The following CYP4Z1 variants were observed in gnomAD, a reference collection of about 807,000 sequenced individuals.
CYP4Z1 encodes the protein cytochrome P450 family 4 subfamily Z member 1, also known as cytochrome P450 4Z1.
CYP4Z1 carries 41 observed loss-of-function variants against 54.2 expected under a neutral mutation model. The ratio of observed to expected loss-of-function variants is 0.76; its 90% CI spans 0.59 to 0.98. The LOEUF is 0.98. CYP4Z1 is among the 50% of genes least tolerant of loss of function. The probability of loss-of-function intolerance (pLI) is 0.00; values close to 1 mark genes in which losing one functional copy is unlikely to be tolerated. For missense variants in CYP4Z1, 513 were observed against 599.0 expected (o/e 0.86, Z 1.50); for synonymous variants, 163 against 206.2 (o/e 0.79, Z 1.79).
chr1:47,103,981 GA>G (rs1644739068), intron 8 of CYP4Z1, among the ~76,000 whole-genome samples: 1 of 152,080 alleles, frequency 6.6e-6, no homozygotes, highest in South Asian at 2.1e-4. Context: ...TATGTTGCTG[GA>G]AAATTATTGT....
At chr1:47,103,576 T>TA (rs900830123) in intron 8 of CYP4Z1, among the ~76,000 whole-genome samples, 1 of 141,622 alleles carries the variant, frequency 7.1e-6, no homozygotes, top group Non-Finnish European at 1.5e-5. Context: ...CACCTTCTTC[T>TA]TTTTTTTTTC....
At chr1:47,093,937 T>C (rs1250939055) in intron 6 of CYP4Z1, among the ~76,000 whole-genome samples, 2 of 152,232 alleles carry the variant, frequency 1.3e-5, no homozygotes, top group African/African-American at 2.4e-5. Flanking sequence ...TTTCCAGGCA[T>C]AGAACTTTGT....
intron 7 of CYP4Z1, 28 bp from the exon 8 acceptor site, chr1:47,099,066 G>A (rs2148536481): frequency 6.2e-7 from 1 of 1,612,320 alleles, no homozygotes; most frequent in East Asian, 2.2e-5. Context: ...AGCCAGCTTT[G>A]GATAAAGATC....
intron 9 of CYP4Z1, among the ~76,000 whole-genome samples, chr1:47,108,280 A>G (rs995259534): frequency 1.3e-5 from 2 of 152,094 alleles, no homozygotes; most frequent in African/African-American, 4.8e-5. Flanking sequence ...GCCTGGATTC[A>G]TCACTCCAAC....
chr1:47,068,738 T>G lies in CYP4Z1; in HGVS notation c.294T>G (p.Tyr98Ter). ...TMFFSVHDPD[Y>*]AKILLKRQDP... ...TCTTCAGTGTCCATGACCCAGACTA[T>G]GCCAAGATTCTCCTGAAAAGACAAG... Residue 98 changes from tyrosine (Y) to a stop codon, truncating the protein, a stop_gained, in exon 2 of 12, where the codon TAT becomes TAG. Transcript: ENST00000334194. LOFTEE classifies it high-confidence loss of function. 1 of 1,614,118 alleles carries G rather than the reference T, an allele frequency of 6.2e-7. No individual in the cohort carries two copies. Among genetic ancestry groups the G allele is most frequent in the Non-Finnish European group, 8.5e-7 (1 of 1,179,992 alleles).
At chr1:47,108,170 G>A (rs1273463430) in intron 9 of CYP4Z1, among the ~76,000 whole-genome samples, 3 of 152,074 alleles carry the variant, frequency 2.0e-5, no homozygotes, top group East Asian at 1.9e-4. Flanking sequence ...TGCACCTCAC[G>A]TGCTCATCTG....
intron 11 of CYP4Z1, 150 bp downstream of exon 11, chr1:47,116,882 G>GT (rs1644834220): frequency 1.7e-6 from 1 of 573,958 alleles, no homozygotes; most frequent in Admixed American, 3.0e-5. Flanking sequence ...AGTGCATTTA[G>GT]TTGGTACCCT....
At chr1:47,115,144 T>C (rs771689560) in intron 9 of CYP4Z1, among the ~76,000 whole-genome samples, 1 of 152,110 alleles carries the variant, frequency 6.6e-6, no homozygotes. Flanking sequence ...ATGTCCTTTG[T>C]AGGGACACGG....
the CYP4Z1 span, among the ~76,000 whole-genome samples, chr1:47,059,974 C>T: frequency 6.6e-6 from 1 of 152,108 alleles, no homozygotes; most frequent in Non-Finnish European, 1.5e-5. Context: ...ACTCTTTTCT[C>T]CTTGAAAATT....
rs1340218960 is a variant in CYP4Z1, at chr1:47,118,101, T to C, written c.*167T>C. ...CCATTAACAGTAATTTTAATTTCTT[T>C]GCTGTATCTGGTGAAACCCACAAAA... On this transcript the variant is annotated 3_prime_UTR_variant, in exon 12 of 12. Coordinates refer to ENST00000334194, the MANE Select transcript of CYP4Z1 (RefSeq NM_178134.3). 2 of 725,954 alleles carry C rather than the reference T, an allele frequency of 2.8e-6. No individual in the cohort carries two copies. The highest frequency in any genetic ancestry group is 4.1e-6 in the Non-Finnish European group (2 of 490,358). The allele number at this position is 725,954 out of a possible 1,614,324, so 45.0% of individuals were successfully genotyped here.
In CYP4Z1 at chr1:47,077,625, A is replaced by AT. The variant is rs879925723; in HGVS notation, c.320-2986dup. 5.7e-3 allele frequency among the ~76,000 whole-genome samples: 824 copies of AT among 144,742 alleles called. 14 individuals are homozygous for AT. Among genetic ancestry groups the AT allele is most frequent in the Admixed American group, 0.037 (533 of 14,462 alleles). 95.0% of individuals were successfully genotyped at this position (144,742 alleles called of 152,430 possible). On this transcript the variant is annotated intron_variant, in intron 2 of 11. Coordinates refer to ENST00000334194, the MANE Select transcript of CYP4Z1 (RefSeq NM_178134.3). ...TCACTGTTTGTTTTTTATATGTCTT[A>AT]TTTTTTTTTTTTAGAGACAGGGTCT...
the CYP4Z1 span, among the ~76,000 whole-genome samples, chr1:47,055,814 T>G: frequency 6.6e-6 from 1 of 152,204 alleles, no homozygotes; most frequent in African/African-American, 2.4e-5. Context: ...CTCTCTTTTC[T>G]TCTTTATTAG....
At chr1:47,104,361 C>T (rs76501670) in intron 8 of CYP4Z1, among the ~76,000 whole-genome samples, 5,199 of 152,236 alleles carry the variant, frequency 0.034, 126 homozygotes, top group Middle Eastern at 0.085. Context: ...TGAGCATGCC[C>T]GTTCTTGGGC....
chr1:47,098,144 A>T (rs1307965550), intron 7 of CYP4Z1, among the ~76,000 whole-genome samples: 1 of 152,102 alleles, frequency 6.6e-6, no homozygotes, highest in East Asian at 1.9e-4. Flanking sequence ...GTTTTTTCTA[A>T]TTCTATGAAG....
At chr1:47,089,325 A>T (rs540062338) in intron 6 of CYP4Z1, among the ~76,000 whole-genome samples, 20 of 150,924 alleles carry the variant, frequency 1.3e-4, no homozygotes, top group African/African-American at 4.6e-4. Flanking sequence ...TTTTTTAATA[A>T]TTTTTTTTTA....
At chr1:47,085,938 G>C (rs1165911810) in intron 6 of CYP4Z1, among the ~76,000 whole-genome samples, 2 of 146,502 alleles carry the variant, frequency 1.4e-5, no homozygotes, top group Non-Finnish European at 3.0e-5. Context: ...GTGAGAACAT[G>C]CGGTGTCTGG....
chr1:47,088,146 C>T (rs1209867598), intron 6 of CYP4Z1, among the ~76,000 whole-genome samples: 1 of 152,146 alleles, frequency 6.6e-6, no homozygotes, highest in Non-Finnish European at 1.5e-5. Context: ...GGATATTGGT[C>T]TAAAATTCTC....
Position 47,099,171 on chromosome 1 carries a change from C to A in CYP4Z1, c.954C>A (p.Thr318=). The A allele has an allele frequency of 6.2e-7, 1 of 1,613,928 alleles. No homozygotes were observed. The highest frequency in any genetic ancestry group is 2.2e-5 in the East Asian group (1 of 44,846). The change falls in exon 8 of 12, where the codon ACC becomes ACA. Residue 318 remains threonine, a synonymous_variant. Transcript: ENST00000334194. The stretch of plus-strand genomic sequence containing the variant: ...CGTTCATGTTTGCAGGACATGACAC[C>A]ACATCCAGTGCTATCTCCTGGATCC... The part of the protein sequence containing the change: ...VKTFMFAGHD[T]TSSAISWILY...
At chr1:47,091,720 A>G (rs1644639146) in intron 6 of CYP4Z1, among the ~76,000 whole-genome samples, 1 of 149,798 alleles carries the variant, frequency 6.7e-6, no homozygotes, top group African/African-American at 2.4e-5. Flanking sequence ...TGTGGAGTGT[A>G]AACAGTTAAA....
Sources: allele counts gnomAD v4.1 joint callset (sites outside exome capture counted in the v4.1 genomes callset), GRCh38; gene constraint gnomAD v4.1.1; transcripts MANE v1.5; gene names NCBI Gene and HGNC (gene_info 2026-07-23, HGNC 2026-07-21).